The following AGK variants were observed in gnomAD, a reference collection of about 807,000 sequenced individuals.
AGK encodes acylglycerol kinase, mitochondrial.
A neutral mutation model predicts 66.4 loss-of-function variants in AGK; 52 were observed. The observed-to-expected ratio is 0.78, with a 90% confidence interval of 0.63 to 0.99. AGK has a LOEUF of 0.99. AGK is among the 50% of genes least tolerant of loss of function. AGK has a pLI of 0.00. For missense variants in AGK, 451 were observed against 506.6 expected (o/e 0.89, Z 1.05); for synonymous variants, 182 against 181.1 (o/e 1.00, Z -0.04).
At chr7:141,642,255 C>T (rs990949227) in intron 13 of AGK, among the ~76,000 whole-genome samples, 11 of 152,148 alleles carry the variant, frequency 7.2e-5, no homozygotes, top group Non-Finnish European at 1.0e-4. Context: ...TAAATATCCA[C>T]GATTTTTGTG....
At chr7:141,648,554 G>C (rs572505916) in intron 13 of AGK, among the ~76,000 whole-genome samples, 2 of 152,258 alleles carry the variant, frequency 1.3e-5, no homozygotes, top group South Asian at 4.1e-4. Context: ...TACCCCAAAA[G>C]AAACAAGACC....
chr7:141,552,991 C>G (rs1176608013), intron 1 of AGK, among the ~76,000 whole-genome samples: 1 of 152,108 alleles, frequency 6.6e-6, no homozygotes, highest in African/African-American at 2.4e-5. Flanking sequence ...TTTGTACACT[C>G]TCAGTTTGGG....
At chr7:141,620,729 TCCAGGAGCTCAA>T (rs146891499) in intron 8 of AGK, among the ~76,000 whole-genome samples, 4,691 of 152,222 alleles carry the variant, frequency 0.031, 110 homozygotes, top group South Asian at 0.14. Context: ...AAGATATGCC[TCCAGGAGCTCAA>T]CCAGGAGCTC....
chr7:141,619,902 G>A (rs1171199250), intron 8 of AGK, among the ~76,000 whole-genome samples: 1 of 152,152 alleles, frequency 6.6e-6, no homozygotes, highest in Admixed American at 6.5e-5. Flanking sequence ...ATTTATAGTA[G>A]CTTGATTCCT....
chr7:141,565,399 C>G (rs977369749), intron 2 of AGK, among the ~76,000 whole-genome samples: 2 of 152,108 alleles, frequency 1.3e-5, no homozygotes, highest in African/African-American at 4.8e-5. Flanking sequence ...ACCTGTAATC[C>G]CAGCACTTTG....
chr7:141,606,548 C>T (rs920343656), intron 5 of AGK, among the ~76,000 whole-genome samples: 1 of 152,028 alleles, frequency 6.6e-6, no homozygotes, highest in African/African-American at 2.4e-5. Flanking sequence ...CACAGAAAAC[C>T]TATATTCCTT....
intron 2 of AGK, among the ~76,000 whole-genome samples, chr7:141,567,275 A>T (rs1226945844): frequency 6.6e-6 from 1 of 152,162 alleles, no homozygotes; most frequent in Non-Finnish European, 1.5e-5. Context: ...GACATTTTGT[A>T]TGAATAGAAA....
intron 1 of AGK, among the ~76,000 whole-genome samples, chr7:141,552,472 T>C (rs1419261302): frequency 6.6e-6 from 1 of 152,210 alleles, no homozygotes; most frequent in Non-Finnish European, 1.5e-5. Flanking sequence ...CAAGTGAAGA[T>C]GACAGCTTAA....
intron 13 of AGK, among the ~76,000 whole-genome samples, chr7:141,643,566 C>T (rs1797336708): frequency 6.6e-6 from 1 of 151,932 alleles, no homozygotes; most frequent in Non-Finnish European, 1.5e-5. Flanking sequence ...TTTTAACAAG[C>T]TCTTAGGATA....
At chr7:141,586,895 T>G (rs1025392206) in intron 2 of AGK, among the ~76,000 whole-genome samples, 2 of 152,218 alleles carry the variant, frequency 1.3e-5, no homozygotes, top group African/African-American at 2.4e-5. Context: ...TATCTCTTCC[T>G]CCTACTTTTC....
chr7:141,591,350 C>T (rs1796113492), intron 2 of AGK, among the ~76,000 whole-genome samples: 1 of 152,058 alleles, frequency 6.6e-6, no homozygotes, highest in African/African-American at 2.4e-5. Flanking sequence ...ACCTTGTCCT[C>T]CCAAAGTGCT....
chr7:141,616,714 A>G (rs1233745098), intron 8 of AGK, among the ~76,000 whole-genome samples: 1 of 151,694 alleles, frequency 6.6e-6, no homozygotes, highest in African/African-American at 2.4e-5. Context: ...GGGCCTAACT[A>G]CAGGAGAGGC....
intron 1 of AGK, among the ~76,000 whole-genome samples, chr7:141,554,674 G>A (rs1464000994): frequency 1.3e-5 from 2 of 152,122 alleles, no homozygotes; most frequent in Non-Finnish European, 2.9e-5. Context: ...TAATAAATGA[G>A]CAAATGAATA....
rs566470624 is a variant in AGK at position 141,640,026 on chromosome 7, C to A, written c.727-1222C>A. On this transcript the variant is annotated intron_variant, in intron 11 of 15. Coordinates refer to ENST00000649286, the MANE Select transcript of AGK (RefSeq NM_018238.4). The stretch of plus-strand genomic sequence containing the variant: ...AAATGAGTGGTCAGGGAGTAGAATC[C>A]TCAATGTGATTGAAAACTTGGTGCA... Among the ~76,000 whole-genome samples, 408 of 152,228 alleles carry A rather than the reference C, an allele frequency of 2.7e-3. 4 individuals are homozygous for A. Among genetic ancestry groups the A allele is most frequent in the African/African-American group, 9.7e-3 (402 of 41,544 alleles).
chr7:141,562,230 T>C, intron 2 of AGK: 1 of 453,684 alleles, frequency 2.2e-6, no homozygotes. Context: ...TGTTGTTTTC[T>C]CCTTCTCGGG....
intron 6 of AGK, among the ~76,000 whole-genome samples, chr7:141,613,644 T>G (rs1796644683): frequency 6.6e-6 from 1 of 152,072 alleles, no homozygotes; most frequent in Admixed American, 6.6e-5. Context: ...TAATAATAGT[T>G]GTTTATCTGG....
intron 3 of AGK, among the ~76,000 whole-genome samples, chr7:141,594,730 G>T (rs1796193527): frequency 6.6e-6 from 1 of 151,904 alleles, no homozygotes; most frequent in Non-Finnish European, 1.5e-5. Flanking sequence ...TCAGCTCACT[G>T]CAACCTCCGC....
chr7:141,583,645 C>T (rs1421051852), intron 2 of AGK, among the ~76,000 whole-genome samples: 2 of 152,074 alleles, frequency 1.3e-5, no homozygotes, highest in Non-Finnish European at 2.9e-5. Context: ...ACCTCTTAAA[C>T]ATGGGTGAAT....
Position 141,596,562 on chromosome 7 carries a change from G to A in AGK, c.142G>A (p.Val48Met). ...AAAACTTTGCTCTTTTCTTTTTTAGGTGTTTGGCAATCAACTCATTCCTCC... is the reference window on the plus strand; with the variant it reads ...AAAACTTTGCTCTTTTCTTTTTTAGATGTTTGGCAATCAACTCATTCCTCC... ...LRRAACQEAQ[V>M]FGNQLIPPNA... The change falls in exon 4 of 16, where the codon GTG becomes ATG. Residue 48 changes from valine (V) to methionine (M), a missense_variant and splice_region_variant. By Grantham distance (21) the Val-to-Met change is conservative. Coordinates refer to ENST00000649286, the MANE Select transcript of AGK (RefSeq NM_018238.4). 6.2e-7 allele frequency: 1 copy of A among 1,613,658 alleles called. No individual in the cohort carries two copies. Among genetic ancestry groups the A allele is most frequent in the Non-Finnish European group, 8.5e-7 (1 of 1,179,742 alleles).
Sources: gnomAD v4.1 joint callset for allele counts (sites outside exome capture counted in the v4.1 genomes callset) on GRCh38, gnomAD v4.1.1 for gene constraint, MANE v1.5 for transcripts, NCBI Gene and HGNC (gene_info 2026-07-23, HGNC 2026-07-21) for gene names.